AP3D1: variants seen among roughly 807,000 people sequenced by gnomAD.
The protein encoded by AP3D1 is AP-3 complex subunit delta-1.
AP3D1 carries 51 observed loss-of-function variants against 147.6 expected under a neutral mutation model. The observed-to-expected ratio is 0.35, with a 90% CI of 0.28 to 0.44. The LOEUF is 0.44. AP3D1 is among the 20% of genes least tolerant of loss of function. The probability of loss-of-function intolerance (pLI) is 1.00; values close to 1 mark genes in which losing one functional copy is unlikely to be tolerated. For missense variants in AP3D1, 1,421 were observed against 1,624.2 expected (o/e 0.87, Z 2.15); for synonymous variants, 760 against 663.0 (o/e 1.15, Z -2.25).
chr19:2,151,724 G>A (rs1466803960), upstream of AP3D1, among the ~76,000 whole-genome samples: 3 of 152,200 alleles, frequency 2.0e-5, no homozygotes, highest in Admixed American at 2.0e-4. Context: ...TTTCTCCTGC[G>A]CGCGGCCCCG....
chr19:2,112,313 A>C (rs538544149), intron 24 of AP3D1: 2 of 186,280 alleles, frequency 1.1e-5, no homozygotes, highest in African/African-American at 4.7e-5. Context: ...CTGTCCACGC[A>C]CTGGAACATG....
Position 2,151,548 on chromosome 19 carries a change from T to C in AP3D1, c.-214A>G, listed in dbSNP as rs1248536825. 6.2e-6 allele frequency: 1 copy of C among 161,272 alleles called. No individual in the cohort carries two copies. The highest frequency in any genetic ancestry group is 1.3e-5 in the Non-Finnish European group (1 of 75,406). 10.0% of individuals were successfully genotyped at this position (161,272 alleles called of 1,614,324 possible). A position where few individuals can be genotyped will look rare whatever the true frequency, so the allele number is the denominator to read the frequency against. The stretch of plus-strand genomic sequence containing the variant: ...GATCCCGCTCCGGGCCCCTTGCAAA[T>C]GGCGGACAAGATGGCGGCGGGTCAG... On this transcript the variant is annotated 5_prime_UTR_variant, in exon 1 of 32. Transcript: ENST00000643116.
At chr19:2,116,453 A>G in intron 17 of AP3D1, 152 bp downstream of exon 17, 1 of 1,238,788 alleles carries the variant, frequency 8.1e-7, no homozygotes, top group African/African-American at 1.5e-5. Context: ...ATTGGGGGAA[A>G]AGGAATCGCT....
At chr19:2,126,523 G>A (rs1307045074) in intron 9 of AP3D1, among the ~76,000 whole-genome samples, 2 of 151,822 alleles carry the variant, frequency 1.3e-5, no homozygotes, top group Non-Finnish European at 2.9e-5. Flanking sequence ...GCGTGGTGGC[G>A]GGCGCCTATA....
In AP3D1 at chr19:2,113,028, C is replaced by T. The variant is rs1422852661; in HGVS notation, c.2680-61G>A. Reference sequence around the variant, plus strand: ...AATGAGGGGCCCCACTCCACTGCACCCCAGACAGCCTCCATGCCACACACC... The same window carrying T: ...AATGAGGGGCCCCACTCCACTGCACTCCAGACAGCCTCCATGCCACACACC... On this transcript the variant is annotated intron_variant, in intron 23 of 31. Transcript: ENST00000643116. 3 of 1,239,352 alleles carry T rather than the reference C, an allele frequency of 2.4e-6. No individual in the cohort carries two copies. The Admixed American group carries it at 6.2e-5, about 25-fold the overall frequency. 76.8% of individuals were successfully genotyped at this position (1,239,352 alleles called of 1,614,324 possible).
chr19:2,164,015 C>G, intron 1 of AP3D1: 1 of 254,852 alleles, frequency 3.9e-6, no homozygotes, highest in Non-Finnish European at 6.6e-6. Flanking sequence ...AGTCGGGGGC[C>G]GGGCCGGACC....
rs970217170 is a variant in AP3D1 at position 2,113,327 on chromosome 19, GTC to G, written c.2679+7_2679+8del. 1.7e-6 allele frequency: 2 copies of G among 1,188,482 alleles called. No individual in the cohort carries two copies. The highest frequency in any genetic ancestry group is 3.3e-5 in the African/African-American group (2 of 60,664). The allele number at this position is 1,188,482 out of a possible 1,614,324, so 73.6% of individuals were successfully genotyped here. ...CGAGGCTGGCACTGGCCAGCTGCCA[GTC>G]TCTTACCGTGGATGGAACGGGGGCG... On this transcript the variant is annotated splice_region_variant and intron_variant, in intron 23 of 31. Coordinates refer to ENST00000643116, the MANE Select transcript of AP3D1 (RefSeq NM_001261826.3).
chr19:2,160,060 A>C (rs2019683585), intron 1 of AP3D1, among the ~76,000 whole-genome samples: 1 of 149,694 alleles, frequency 6.7e-6, no homozygotes, highest in Non-Finnish European at 1.5e-5. Flanking sequence ...CATGTTGGTC[A>C]GGCTGGTATT....
intron 4 of AP3D1, among the ~76,000 whole-genome samples, chr19:2,135,671 G>A (rs2019056767): frequency 6.6e-6 from 1 of 152,160 alleles, no homozygotes; most frequent in Non-Finnish European, 1.5e-5. Context: ...CCAGGGGCAG[G>A]CACCAGGTCA....
chr19:2,127,025 A>G, intron 9 of AP3D1, 127 bp downstream of exon 9: 4 of 1,016,178 alleles, frequency 3.9e-6, no homozygotes, highest in Admixed American at 4.0e-5. Context: ...CCCACCAGCC[A>G]GCTTTCCTTC....
intron 17 of AP3D1, 110 bp downstream of exon 17, chr19:2,116,495 C>T: frequency 7.2e-7 from 1 of 1,394,870 alleles, no homozygotes. Context: ...GCCCATGCCT[C>T]CACTGCCAGG....
intron 25 of AP3D1, 102 bp from the exon 26 acceptor site, chr19:2,111,434 G>A: frequency 6.9e-7 from 1 of 1,450,276 alleles, no homozygotes; most frequent in East Asian, 2.4e-5. Flanking sequence ...ACGACTCCAA[G>A]AATGCTTGGG....
intron 9 of AP3D1, among the ~76,000 whole-genome samples, chr19:2,126,800 G>A (rs919437385): frequency 6.6e-6 from 1 of 152,136 alleles, no homozygotes; most frequent in African/African-American, 2.4e-5. Context: ...CGGATGGCAG[G>A]CCCTGAGCAG....
At chr19:2,160,152 T>C (rs1473593529) in intron 1 of AP3D1, among the ~76,000 whole-genome samples, 2 of 152,158 alleles carry the variant, frequency 1.3e-5, no homozygotes, top group African/African-American at 2.4e-5. Context: ...CCCAGCCTTC[T>C]AATTTTTGCA....
chr19:2,102,610 C>T (rs961816518), intron 31 of AP3D1, among the ~76,000 whole-genome samples: 2 of 151,962 alleles, frequency 1.3e-5, no homozygotes, highest in Non-Finnish European at 2.9e-5. Flanking sequence ...TGCCTGTAGT[C>T]CCAGCTACAT....
At chr19:2,112,754 G>A (rs564050755) in intron 24 of AP3D1, 106 bp downstream of exon 24, 246 of 804,972 alleles carry the variant, frequency 3.1e-4, no homozygotes, top group Non-Finnish European at 3.8e-4. Context: ...AAATGCGAGA[G>A]CAGGGCTGCC....
At chr19:2,154,286 C>CTT (rs35367011), upstream of AP3D1, among the ~76,000 whole-genome samples, 3 of 138,234 alleles carry the variant, frequency 2.2e-5, no homozygotes, top group African/African-American at 2.7e-5. Flanking sequence ...TTTTTTTTTT[C>CTT]TTTTTTTTTT....
intron 1 of AP3D1, among the ~76,000 whole-genome samples, chr19:2,141,561 C>A (rs1246881966): frequency 6.6e-6 from 1 of 150,442 alleles, no homozygotes; most frequent in Non-Finnish European, 1.5e-5. Context: ...CCTGCCTCAG[C>A]CTCCCGAGTG....
At chr19:2,124,401 G>A (rs959326234) in intron 9 of AP3D1, among the ~76,000 whole-genome samples, 2 of 152,274 alleles carry the variant, frequency 1.3e-5, no homozygotes, top group African/African-American at 2.4e-5. Context: ...ACTCTGCTGC[G>A]TCCTTTGGGC....
Sources: allele counts gnomAD v4.1 joint callset (sites outside exome capture counted in the v4.1 genomes callset), GRCh38; gene constraint gnomAD v4.1.1; transcripts MANE v1.5; gene names NCBI Gene and HGNC (gene_info 2026-07-23, HGNC 2026-07-21).